CTNNA3: variants seen among roughly 807,000 people sequenced by gnomAD.
The protein encoded by CTNNA3 is catenin alpha 3, also known as catenin alpha-3.
Under a neutral mutation model 95.7 loss-of-function variants are expected in CTNNA3, and 76 were observed. That is an observed-to-expected ratio of 0.79 (90% CI 0.66 to 0.96). The LOEUF is 0.96. Among genes scored for constraint, CTNNA3 ranks in the 40% least tolerant of loss-of-function variants. The pLI is 0.00. For missense variants in CTNNA3, 1,191 were observed against 1,089.8 expected (o/e 1.09, Z -1.31); for synonymous variants, 431 against 374.4 (o/e 1.15, Z -1.74).
chr10:65,994,664 C>T (rs935013151), intron 15 of CTNNA3, among the ~76,000 whole-genome samples: 1 of 152,098 alleles, frequency 6.6e-6, no homozygotes, highest in Non-Finnish European at 1.5e-5. Context: ...ATTTGGGGCT[C>T]TTTAAGCTTT....
intron 13 of CTNNA3, among the ~76,000 whole-genome samples, chr10:66,168,361 T>A (rs915222170): frequency 4.6e-5 from 7 of 152,104 alleles, no homozygotes; most frequent in African/African-American, 1.7e-4. Context: ...TTTATTATTT[T>A]TTTTTAAAAA....
intron 13 of CTNNA3, among the ~76,000 whole-genome samples, chr10:66,151,730 ATAACT>A (rs1204479176): frequency 6.6e-6 from 1 of 151,968 alleles, no homozygotes; most frequent in Non-Finnish European, 1.5e-5. Context: ...CACCTTCCTA[ATAACT>A]TTAAATGTCT....
chr10:66,502,148 T>C (rs984464341), intron 11 of CTNNA3, among the ~76,000 whole-genome samples: 1 of 152,146 alleles, frequency 6.6e-6, no homozygotes, highest in Non-Finnish European at 1.5e-5. Flanking sequence ...CCCTGGGTGA[T>C]AAAGGTTTAG....
chr10:66,131,277 C>G (rs1298410386), intron 13 of CTNNA3, among the ~76,000 whole-genome samples: 3 of 152,064 alleles, frequency 2.0e-5, no homozygotes, highest in African/African-American at 7.2e-5. Context: ...AGGAAGACTT[C>G]CGGCCAATAT....
At chr10:66,684,260 C>A (rs2894021) in intron 9 of CTNNA3, among the ~76,000 whole-genome samples, 83,873 of 151,504 alleles carry the variant, frequency 0.55, 23,931 homozygotes, top group African/African-American at 0.68. Context: ...TGCTACATAT[C>A]CTATAATGCA....
At chr10:65,925,368 A>T (rs2077153395) in intron 17 of CTNNA3, among the ~76,000 whole-genome samples, 1 of 152,148 alleles carries the variant, frequency 6.6e-6, no homozygotes, top group Non-Finnish European at 1.5e-5. Context: ...TTAAAATGAA[A>T]ATTATCTGGT....
intron 17 of CTNNA3, among the ~76,000 whole-genome samples, chr10:65,945,144 G>T (rs1305995707): frequency 1.4e-5 from 2 of 146,214 alleles, no homozygotes; most frequent in Admixed American, 1.4e-4. Flanking sequence ...TTCTATAAAT[G>T]TGTGTGTGTG....
At chr10:67,036,055 C>A (rs1185819446) in intron 7 of CTNNA3, among the ~76,000 whole-genome samples, 3 of 152,136 alleles carry the variant, frequency 2.0e-5, no homozygotes, top group Non-Finnish European at 1.5e-5. Context: ...CATCTTCTAA[C>A]CTCTTTAGGC....
chr10:66,910,669 A>G (rs1589412128), intron 7 of CTNNA3, among the ~76,000 whole-genome samples: 1 of 152,356 alleles, frequency 6.6e-6, no homozygotes, highest in East Asian at 1.9e-4. Context: ...TGAATAAGCT[A>G]GAGCTGTGAG....
intron 13 of CTNNA3, among the ~76,000 whole-genome samples, chr10:66,236,315 G>T (rs899907777): frequency 2.0e-5 from 3 of 152,076 alleles, no homozygotes; most frequent in African/African-American, 7.2e-5. Flanking sequence ...AAAATGACAA[G>T]ATACAAACAT....
At position 66,740,778 on chromosome 10, in the gene CTNNA3, C is replaced by T. The variant is rs181859855; in HGVS notation, c.1281+25486G>A. Among the ~76,000 whole-genome samples, 426 of 152,266 alleles carry T rather than the reference C, an allele frequency of 2.8e-3. 1 individual carries two copies. The highest frequency in any genetic ancestry group is 9.6e-3 in the African/African-American group (397 of 41,558). Reference sequence around the variant, plus strand: ...ATAAGTATGATTAAATTCCACTTGACCTTGTTTAACCCTTCATTCATAGAA... The same window carrying T: ...ATAAGTATGATTAAATTCCACTTGATCTTGTTTAACCCTTCATTCATAGAA... On this transcript the variant is annotated intron_variant, in intron 9 of 17. Coordinates refer to ENST00000433211, the MANE Select transcript of CTNNA3 (RefSeq NM_013266.4).
intron 11 of CTNNA3, among the ~76,000 whole-genome samples, chr10:66,427,815 C>T (rs541278313): frequency 6.6e-6 from 1 of 152,190 alleles, no homozygotes; most frequent in South Asian, 2.1e-4. Flanking sequence ...ATTGTAAAGA[C>T]CATCAATTCT....
chr10:67,465,490 C>T (rs1165961800), intron 5 of CTNNA3, among the ~76,000 whole-genome samples: 4 of 152,068 alleles, frequency 2.6e-5, no homozygotes, highest in African/African-American at 4.8e-5. Context: ...ATTTATGATG[C>T]CTGCTGTTCA....
intron 13 of CTNNA3, among the ~76,000 whole-genome samples, chr10:66,209,861 A>T (rs539766149): frequency 5.9e-5 from 9 of 152,154 alleles, no homozygotes; most frequent in Non-Finnish European, 1.0e-4. Context: ...TGCCTTTCCT[A>T]TAGTGTTTAA....
intron 7 of CTNNA3, among the ~76,000 whole-genome samples, chr10:67,037,738 G>A (rs1479129618): frequency 6.6e-6 from 1 of 152,170 alleles, no homozygotes; most frequent in African/African-American, 2.4e-5. Flanking sequence ...GGTGTGAGAG[G>A]AGGAGGAATC....
At chr10:66,683,071 C>T (rs925533844) in intron 9 of CTNNA3, among the ~76,000 whole-genome samples, 3 of 152,042 alleles carry the variant, frequency 2.0e-5, no homozygotes, top group Admixed American at 6.6e-5. Flanking sequence ...TATATCCACC[C>T]GTCAAATAAA....
chr10:66,391,497 A>G (rs2092933381), intron 11 of CTNNA3, among the ~76,000 whole-genome samples: 1 of 152,094 alleles, frequency 6.6e-6, no homozygotes, highest in South Asian at 2.1e-4. Flanking sequence ...CCTGGCAAAT[A>G]TCTAATTCTC....
chr10:67,387,044 T>G (rs1844196915), intron 5 of CTNNA3, among the ~76,000 whole-genome samples: 1 of 152,104 alleles, frequency 6.6e-6, no homozygotes, highest in South Asian at 2.1e-4. Flanking sequence ...GCCCGTTAGT[T>G]GAGGGAGGAC....
intron 13 of CTNNA3, among the ~76,000 whole-genome samples, chr10:66,199,805 A>ATATT (rs1564756586): frequency 2.1e-4 from 3 of 14,280 alleles, no homozygotes; most frequent in Non-Finnish European, 3.3e-4. Flanking sequence ...ATATATATAT[A>ATATT]TTTTTTTTTT....
Sources: gnomAD v4.1 joint callset for allele counts (sites outside exome capture counted in the v4.1 genomes callset) on GRCh38, gnomAD v4.1.1 for gene constraint, MANE v1.5 for transcripts, NCBI Gene and HGNC (gene_info 2026-07-23, HGNC 2026-07-21) for gene names.